Variants in KIF4A observed in about 807,000 individuals in gnomAD.
KIF4A encodes chromosome-associated kinesin KIF4A.
A neutral mutation model predicts 105.9 loss-of-function variants in KIF4A; 7 were observed. The ratio of observed to expected loss-of-function variants is 0.07; its 90% CI spans 0.04 to 0.12. The LOEUF is 0.12. Among genes scored for constraint, KIF4A ranks in the 10% least tolerant of loss-of-function variants. The pLI, the probability that KIF4A is intolerant of heterozygous loss-of-function variation, is 1.00. For missense variants in KIF4A, 558 were observed against 929.2 expected, an observed-to-expected ratio of 0.60 and a Z score of 5.19; for synonymous variants, 281 against 331.3, an observed-to-expected ratio of 0.85 and a Z score of 1.65.
intron 15 of KIF4A, among the ~76,000 whole-genome samples, chrX:70,363,246 T>C (rs1170822879): frequency 1.3e-4 from 4 of 31,128 alleles, no homozygotes; most frequent in Non-Finnish European, 6.3e-4. Context: ...CTATTTTTCT[T>C]TTTTTTTTTA....
intron 7 of KIF4A, 81 bp downstream of exon 7, chrX:70,302,479 A>G (rs1253761075): frequency 3.6e-5 from 34 of 933,817 alleles, no homozygotes; most frequent in Middle Eastern, 2.7e-4. Context: ...TTCGACTGGG[A>G]TTTGAGATCA....
At chrX:70,410,091 G>C (rs751375790) in intron 28 of KIF4A, among the ~76,000 whole-genome samples, 45 of 112,039 alleles carry the variant, frequency 4.0e-4, no homozygotes, top group African/African-American at 1.4e-3. Context: ...GGCTTTAAAG[G>C]GAACAAGTTA....
chrX:70,312,788 T>A (rs2085855605), intron 7 of KIF4A, among the ~76,000 whole-genome samples: 2 of 111,923 alleles, frequency 1.8e-5, no homozygotes, highest in Non-Finnish European at 1.9e-5. Flanking sequence ...AATCTTATAA[T>A]TTTGAGAAAT....
intron 5 of KIF4A, among the ~76,000 whole-genome samples, chrX:70,300,877 T>C: frequency 8.9e-6 from 1 of 111,892 alleles, no homozygotes; most frequent in Non-Finnish European, 1.9e-5. Flanking sequence ...CTTAGTAGGT[T>C]GGTGACATTT....
chrX:70,359,487 G>T (rs1354659683), intron 15 of KIF4A, among the ~76,000 whole-genome samples: 3 of 104,806 alleles, frequency 2.9e-5, no homozygotes, highest in Non-Finnish European at 5.8e-5. Context: ...CCGGAGAGGG[G>T]TATATTTATT....
At chrX:70,383,366 CAG>C (rs2086205474) in intron 18 of KIF4A, among the ~76,000 whole-genome samples, 1 of 111,775 alleles carries the variant, frequency 8.9e-6, no homozygotes, top group Non-Finnish European at 1.9e-5. Context: ...AACAAAAAGA[CAG>C]ATAATAATAA....
intron 7 of KIF4A, among the ~76,000 whole-genome samples, chrX:70,302,689 G>T (rs1201674488): frequency 8.9e-6 from 1 of 111,854 alleles, no homozygotes; most frequent in Non-Finnish European, 1.9e-5. Flanking sequence ...ATTAAAATCA[G>T]TATCCTGATT....
At chrX:70,302,495 T>C in intron 7 of KIF4A, 97 bp downstream of exon 7, 1 of 810,574 alleles carries the variant, frequency 1.2e-6, no homozygotes, top group East Asian at 3.3e-5. Context: ...GATCACATTC[T>C]AACAGTAGCT....
intron 19 of KIF4A, 56 bp downstream of exon 19, chrX:70,386,757 T>C: frequency 1.1e-6 from 1 of 896,265 alleles, no homozygotes; most frequent in Non-Finnish European, 1.6e-6. Flanking sequence ...GTTTAAATGC[T>C]TGCAAAGTAA....
At chrX:70,410,603 G>A (rs1357823750) in intron 28 of KIF4A, among the ~76,000 whole-genome samples, 3 of 111,870 alleles carry the variant, frequency 2.7e-5, no homozygotes, top group Non-Finnish European at 3.8e-5. Context: ...GACTGGTTGT[G>A]GGGGTGGTTT....
chrX:70,412,514 G>T (rs1383651437), intron 28 of KIF4A, among the ~76,000 whole-genome samples: 1 of 111,674 alleles, frequency 9.0e-6, no homozygotes. Context: ...ATGGATCACT[G>T]TCATCCTGGT....
chrX:70,414,009 G>C (rs568595817), intron 28 of KIF4A, among the ~76,000 whole-genome samples: 1 of 111,004 alleles, frequency 9.0e-6, no homozygotes, highest in South Asian at 3.9e-4. Context: ...ACAGTCAGGG[G>C]ATGGGTAGTC....
chrX:70,368,223 G>A (rs1468519369), intron 15 of KIF4A, among the ~76,000 whole-genome samples: 1 of 111,981 alleles, frequency 8.9e-6, no homozygotes, highest in African/African-American at 3.2e-5. Context: ...GGAGTAGTTT[G>A]ATCGTCTGAA....
intron 15 of KIF4A, among the ~76,000 whole-genome samples, chrX:70,361,100 C>T (rs1340891525): frequency 8.9e-6 from 1 of 112,793 alleles, no homozygotes; most frequent in Non-Finnish European, 1.9e-5. Context: ...TCACAGGTCC[C>T]GTGGGCTCCA....
chrX:70,390,426 A>G (rs1234960163), intron 20 of KIF4A, among the ~76,000 whole-genome samples: 1 of 111,660 alleles, frequency 9.0e-6, no homozygotes, highest in Admixed American at 9.6e-5. Context: ...TAATAGCTAT[A>G]GATTTTTTGG....
intron 10 of KIF4A, among the ~76,000 whole-genome samples, chrX:70,338,170 C>T (rs185695677): frequency 5.4e-5 from 6 of 111,245 alleles, no homozygotes; most frequent in East Asian, 5.6e-4. Flanking sequence ...CTAAAATTTA[C>T]GTACCATAAA....
At chrX:70,334,456 C>T (rs546987782) in intron 10 of KIF4A, among the ~76,000 whole-genome samples, 76 of 112,183 alleles carry the variant, frequency 6.8e-4, no homozygotes, top group South Asian at 1.9e-3. Context: ...TTATTTGTAA[C>T]TTCTTTCTCC....
At chrX:70,319,333 A>G (rs779461561) in intron 7 of KIF4A, among the ~76,000 whole-genome samples, 1 of 112,387 alleles carries the variant, frequency 8.9e-6, no homozygotes, top group Non-Finnish European at 1.9e-5. Context: ...TATATTATCT[A>G]ATAAAGGCTT....
At chrX:70,369,568 G>A (rs2086121426) in intron 15 of KIF4A, among the ~76,000 whole-genome samples, 1 of 111,751 alleles carries the variant, frequency 8.9e-6, no homozygotes, top group South Asian at 3.8e-4. Context: ...ATATCCTCAT[G>A]ACTCTGTAAT....
Sources: allele counts gnomAD v4.1 joint callset (sites outside exome capture counted in the v4.1 genomes callset), GRCh38; gene constraint gnomAD v4.1.1; transcripts MANE v1.5; gene names NCBI Gene and HGNC (gene_info 2026-07-23, HGNC 2026-07-21).